SIPA1L1: variants seen among roughly 807,000 people sequenced by gnomAD.
The protein encoded by SIPA1L1 is signal induced proliferation associated 1 like 1.
Under a neutral mutation model 162.7 loss-of-function variants are expected in SIPA1L1, and 26 were observed. The ratio of observed to expected loss-of-function variants is 0.16; its 90% CI spans 0.12 to 0.22. The LOEUF (loss-of-function observed/expected upper bound fraction) is 0.22, where lower values mean the gene tolerates loss of function less well. SIPA1L1 is among the 10% of genes least tolerant of loss of function. SIPA1L1 has a pLI of 1.00. For synonymous variants in SIPA1L1, 829 were observed against 837.4 expected, an observed-to-expected ratio of 0.99 and a Z score of 0.17; for missense variants, 1,874 against 2,241.0, an observed-to-expected ratio of 0.84 and a Z score of 3.31.
intron 2 of SIPA1L1, among the ~76,000 whole-genome samples, chr14:71,485,685 G>A (rs1469944236): frequency 1.3e-5 from 2 of 152,010 alleles, no homozygotes; most frequent in African/African-American, 2.4e-5. Context: ...AAAATAAAGT[G>A]CATGATAAAT....
chr14:71,671,638 A>G lies in SIPA1L1; in HGVS notation c.2775A>G (p.Ser925=). ...TCTATGAACGAGGAGAATGTGTTTC[A>G]GTGGGTAGTTTTATTAACATTGAGG... ...KIFYERGECV[S]VGSFINIEEI... is the part of the protein sequence containing the mutation. Residue 925 remains serine (S), a synonymous_variant, in exon 11 of 24, where the codon TCA becomes TCG. Coordinates refer to ENST00000381232, the MANE Select transcript of SIPA1L1 (RefSeq NM_001386936.1). 1 of 1,613,760 alleles carries G rather than the reference A, an allele frequency of 6.2e-7. No individual in the cohort carries two copies. The highest frequency in any genetic ancestry group is 8.5e-7 in the Non-Finnish European group (1 of 1,179,782).
At chr14:71,561,282 A>G (rs962349776) in intron 4 of SIPA1L1, among the ~76,000 whole-genome samples, 6 of 152,146 alleles carry the variant, frequency 3.9e-5, no homozygotes, top group Admixed American at 3.3e-4. Flanking sequence ...TTATACATTT[A>G]GTTCCATTTT....
intron 19 of SIPA1L1, among the ~76,000 whole-genome samples, chr14:71,725,544 G>C (rs148232634): frequency 3.2e-4 from 48 of 152,292 alleles, no homozygotes; most frequent in African/African-American, 1.1e-3. Context: ...GTACGTTTTT[G>C]TGTTGTCCAG....
chr14:71,707,589 G>T (rs1387459917), intron 16 of SIPA1L1, among the ~76,000 whole-genome samples: 1 of 152,188 alleles, frequency 6.6e-6, no homozygotes, highest in Non-Finnish European at 1.5e-5. Flanking sequence ...TTCTCTCGCT[G>T]ATTATGTTCC....
In SIPA1L1 at chr14:71,349,334, T is replaced by C. The variant is rs370672226; in HGVS notation, c.-465+28153T>C. Among the ~76,000 whole-genome samples, 42 of 152,316 alleles carry C rather than the reference T, an allele frequency of 2.8e-4. No individual in the cohort carries two copies. In the South Asian group the frequency reaches 7.9e-3, roughly 29 times the overall value. ...GAACCCTTCTGGAATAAGGGTCTTATGATCTATTTTCAGGTAAGATGGGTC... is the reference window on the plus strand; with the variant it reads ...GAACCCTTCTGGAATAAGGGTCTTACGATCTATTTTCAGGTAAGATGGGTC... On this transcript the variant is annotated intron_variant, in intron 2 of 23. Coordinates refer to ENST00000381232, the MANE Select transcript of SIPA1L1 (RefSeq NM_001386936.1).
chr14:71,656,784 G>C (rs774272831), intron 8 of SIPA1L1, among the ~76,000 whole-genome samples: 42 of 152,218 alleles, frequency 2.8e-4, no homozygotes, highest in Non-Finnish European at 4.3e-4. Flanking sequence ...CACAGTTGTA[G>C]TCTATTCTTA....
intron 19 of SIPA1L1, among the ~76,000 whole-genome samples, chr14:71,725,627 G>A (rs1300709038): frequency 6.6e-6 from 1 of 152,128 alleles, no homozygotes; most frequent in Non-Finnish European, 1.5e-5. Flanking sequence ...CTCACTTAAG[G>A]CTCTCTCCTT....
intron 14 of SIPA1L1, among the ~76,000 whole-genome samples, chr14:71,700,652 T>C (rs1259651201): frequency 1.3e-5 from 2 of 152,088 alleles, no homozygotes; most frequent in Admixed American, 6.5e-5. Flanking sequence ...TGTGATGGGG[T>C]ATGTAAATGA....
chr14:71,410,136 T>A (rs2042302624), intron 2 of SIPA1L1, among the ~76,000 whole-genome samples: 1 of 152,246 alleles, frequency 6.6e-6, no homozygotes, highest in South Asian at 2.1e-4. Flanking sequence ...ATATGGCAGC[T>A]CATTGTATTC....
intron 17 of SIPA1L1, among the ~76,000 whole-genome samples, chr14:71,718,936 TC>T (rs2083472277): frequency 6.6e-6 from 1 of 151,894 alleles, no homozygotes; most frequent in South Asian, 2.1e-4. Flanking sequence ...CTTTTTTTTT[TC>T]CTCTTCTTTT....
At chr14:71,431,674 A>G (rs761587622) in intron 2 of SIPA1L1, among the ~76,000 whole-genome samples, 36 of 152,186 alleles carry the variant, frequency 2.4e-4, no homozygotes, top group Non-Finnish European at 4.6e-4. Flanking sequence ...AGCCTGGGCA[A>G]CAGAGGCAAG....
intron 12 of SIPA1L1, among the ~76,000 whole-genome samples, chr14:71,673,593 G>A (rs961656953): frequency 6.6e-6 from 1 of 152,134 alleles, no homozygotes; most frequent in Non-Finnish European, 1.5e-5. Context: ...ATATATATGT[G>A]TGTGTGTGTG....
intron 12 of SIPA1L1, among the ~76,000 whole-genome samples, chr14:71,676,962 A>G (rs915719739): frequency 6.6e-6 from 1 of 152,216 alleles, no homozygotes; most frequent in African/African-American, 2.4e-5. Flanking sequence ...TTATAGCAGC[A>G]TGATTTATAA....
Position 71,730,140 on chromosome 14 carries a change from G to A in SIPA1L1, c.4700G>A (p.Ser1567Asn), listed in dbSNP as rs1235359107. Residue 1567 changes from serine to asparagine, a missense_variant, in exon 20 of 24, where the codon AGC (serine) becomes AAC (asparagine). Ser to Asn is a conservative substitution (Grantham distance 46). Coordinates refer to ENST00000381232, the MANE Select transcript of SIPA1L1 (RefSeq NM_001386936.1). The stretch of plus-strand genomic sequence containing the variant: ...TTGCACAGAACACTGTCGGACGAGA[G>A]CATTTACAATAGCCAGAGGGAGCAC... Reference protein sequence around the residue: ...RALHRTLSDESIYNSQREHFF... With the variant: ...RALHRTLSDENIYNSQREHFF... 6.2e-7 allele frequency: 1 copy of A among 1,614,048 alleles called. No individual in the cohort carries two copies. Among genetic ancestry groups the A allele is most frequent in the African/African-American group, 1.3e-5 (1 of 74,914 alleles).
At chr14:71,614,644 T>C (rs2038622208) in intron 5 of SIPA1L1, among the ~76,000 whole-genome samples, 1 of 152,222 alleles carries the variant, frequency 6.6e-6, no homozygotes, top group African/African-American at 2.4e-5. Context: ...CCTAGCGTTA[T>C]CTAACCAGAG....
chr14:71,331,595 C>G (rs1304380718), intron 2 of SIPA1L1, among the ~76,000 whole-genome samples: 1 of 152,170 alleles, frequency 6.6e-6, no homozygotes, highest in South Asian at 2.1e-4. Context: ...TGAATTATCA[C>G]AACAGTCAGA....
intron 4 of SIPA1L1, among the ~76,000 whole-genome samples, chr14:71,587,179 C>T (rs2034721061): frequency 6.6e-6 from 1 of 152,066 alleles, no homozygotes; most frequent in Non-Finnish European, 1.5e-5. Context: ...TTATCTTATT[C>T]ACTTGGTTAC....
chr14:71,527,739 C>A (rs2053027090), intron 3 of SIPA1L1, among the ~76,000 whole-genome samples: 1 of 152,094 alleles, frequency 6.6e-6, no homozygotes, highest in African/African-American at 2.4e-5. Context: ...GGACAGTGAT[C>A]CTCAGCCTTG....
chr14:71,694,473 T>C (rs1228408797), intron 13 of SIPA1L1, among the ~76,000 whole-genome samples: 1 of 152,114 alleles, frequency 6.6e-6, no homozygotes, highest in Non-Finnish European at 1.5e-5. Flanking sequence ...ACTTTTTCAA[T>C]TGCGCATTCT....
Sources: allele counts gnomAD v4.1 joint callset (sites outside exome capture counted in the v4.1 genomes callset), GRCh38; gene constraint gnomAD v4.1.1; transcripts MANE v1.5; gene names NCBI Gene and HGNC (gene_info 2026-07-23, HGNC 2026-07-21).